The following RIMS2 variants were observed in gnomAD, a reference collection of about 807,000 sequenced individuals.
The protein encoded by RIMS2 is regulating synaptic membrane exocytosis protein 2.
Under a neutral mutation model 174.4 loss-of-function variants are expected in RIMS2, and 59 were observed. The observed-to-expected ratio is 0.34, with a 90% CI of 0.27 to 0.42. The LOEUF is 0.42. Ranked by LOEUF, RIMS2 falls within the 10% of genes least tolerant of loss-of-function variation. The pLI, the probability that RIMS2 is intolerant of heterozygous loss-of-function variation, is 1.00. For missense variants in RIMS2, 1,620 were observed against 1,666.3 expected (o/e 0.97, Z 0.48); for synonymous variants, 606 against 572.5 (o/e 1.06, Z -0.84).
intron 1 of RIMS2, among the ~76,000 whole-genome samples, chr8:103,553,337 A>G (rs1467769344): frequency 3.3e-5 from 5 of 152,166 alleles, no homozygotes; most frequent in South Asian, 2.1e-4. Flanking sequence ...CGAGCAAACT[A>G]TCACAAGGAC....
At chr8:103,551,298 C>T (rs773953678) in intron 1 of RIMS2, among the ~76,000 whole-genome samples, 2 of 152,058 alleles carry the variant, frequency 1.3e-5, no homozygotes, top group African/African-American at 2.4e-5. Flanking sequence ...GTTCAACATA[C>T]GAATGTCAAT....
intron 1 of RIMS2, among the ~76,000 whole-genome samples, chr8:103,505,983 A>C (rs1823380816): frequency 6.6e-6 from 1 of 152,088 alleles, no homozygotes; most frequent in African/African-American, 2.4e-5. Flanking sequence ...AAAAAATTGA[A>C]TTTATTGTAG....
chr8:103,603,806 G>T (rs371522942), intron 1 of RIMS2, among the ~76,000 whole-genome samples: 9,533 of 149,012 alleles, frequency 0.064, 301 homozygotes, highest in Non-Finnish European at 0.084. Flanking sequence ...CTTTTGAGAA[G>T]TGTCTGTTCA....
intron 1 of RIMS2, among the ~76,000 whole-genome samples, chr8:103,667,799 G>A (rs897233393): frequency 6.6e-6 from 1 of 152,188 alleles, no homozygotes; most frequent in African/African-American, 2.4e-5. Context: ...AGAAACTTCT[G>A]TGGTTAGCTT....
chr8:103,518,974 C>T (rs1830354461), intron 1 of RIMS2, among the ~76,000 whole-genome samples: 1 of 152,038 alleles, frequency 6.6e-6, no homozygotes, highest in South Asian at 2.1e-4. Context: ...CTTTCTATTG[C>T]TTTGAATAAA....
chr8:104,066,269 G>A (rs1297432007), intron 19 of RIMS2, among the ~76,000 whole-genome samples: 1 of 152,088 alleles, frequency 6.6e-6, no homozygotes, highest in African/African-American at 2.4e-5. Flanking sequence ...TTACTACCTA[G>A]TAATCAGAAA....
At chr8:103,788,303 G>A (rs1441948675) in intron 3 of RIMS2, among the ~76,000 whole-genome samples, 18 of 150,036 alleles carry the variant, frequency 1.2e-4, no homozygotes, top group East Asian at 3.9e-4. Flanking sequence ...GCTTTGTTCC[G>A]TTGCTGGTGA....
chr8:103,576,482 C>T (rs530440791), intron 1 of RIMS2, among the ~76,000 whole-genome samples: 23 of 152,206 alleles, frequency 1.5e-4, no homozygotes, highest in South Asian at 1.0e-3. Flanking sequence ...AAATGGAGAA[C>T]GAATGAAACC....
intron 19 of RIMS2, among the ~76,000 whole-genome samples, chr8:104,032,101 G>A (rs1022423636): frequency 7.2e-5 from 11 of 152,022 alleles, no homozygotes; most frequent in Admixed American, 1.3e-4. Flanking sequence ...TAATGCAGAG[G>A]TACTTGCTTC....
chr8:104,017,825 C>G (rs2095965495), intron 19 of RIMS2, among the ~76,000 whole-genome samples: 1 of 152,138 alleles, frequency 6.6e-6, no homozygotes, highest in Non-Finnish European at 1.5e-5. Context: ...TCTGTAATCC[C>G]AGCACTTTGG....
intron 3 of RIMS2, among the ~76,000 whole-genome samples, chr8:103,876,379 GT>G (rs72544686): frequency 0.047 from 7,024 of 150,712 alleles, 280 homozygotes; most frequent in East Asian, 0.17. Context: ...CCAGTGTATG[GT>G]TTTTTTTTAA....
chr8:104,165,060 G>A (rs1004706851), intron 19 of RIMS2, among the ~76,000 whole-genome samples: 3 of 152,134 alleles, frequency 2.0e-5, no homozygotes, highest in Non-Finnish European at 4.4e-5. Flanking sequence ...ATGGTAAACT[G>A]GAGTTTATTT....
At position 103,812,331 on chromosome 8, in the gene RIMS2, G is replaced by GTT. The variant is rs71575985; in HGVS notation, c.698+45816_698+45817dup. ...GGTCAAATTATTACCTTATTACCTT[G>GTT]TTTTTTTTTTTTTTTTTTTTTTTGT... On this transcript the variant is annotated intron_variant, in intron 3 of 23. Transcript: ENST00000504942. Among the ~76,000 whole-genome samples, 666 of 111,436 alleles carry GTT rather than the reference G, an allele frequency of 6.0e-3. 10 individuals carry two copies. Among genetic ancestry groups the GTT allele is most frequent in the African/African-American group, 0.013 (393 of 30,406 alleles). 73.1% of individuals were successfully genotyped at this position (111,436 alleles called of 152,430 possible).
At chr8:104,030,466 T>C (rs1345494216) in intron 19 of RIMS2, among the ~76,000 whole-genome samples, 1 of 152,202 alleles carries the variant, frequency 6.6e-6, no homozygotes, top group Non-Finnish European at 1.5e-5. Context: ...TAAGATTAAA[T>C]GGTGGCCAGT....
intron 17 of RIMS2, among the ~76,000 whole-genome samples, chr8:104,003,363 G>A (rs957241817): frequency 5.3e-5 from 8 of 151,700 alleles, no homozygotes. Context: ...GGCAAGGCAG[G>A]AAATAGCAAG....
At chr8:103,608,892 G>T (rs1019202816) in intron 1 of RIMS2, among the ~76,000 whole-genome samples, 8 of 152,328 alleles carry the variant, frequency 5.3e-5, no homozygotes, top group African/African-American at 1.9e-4. Context: ...CCCACTGTCT[G>T]GCACTCCCTA....
chr8:104,011,441 A>G (rs2095758865), intron 17 of RIMS2, among the ~76,000 whole-genome samples: 1 of 152,086 alleles, frequency 6.6e-6, no homozygotes. Flanking sequence ...ACTTTTTTAT[A>G]ACGAGACATT....
chr8:103,571,348 T>C (rs9297335), intron 1 of RIMS2, among the ~76,000 whole-genome samples: 27,859 of 152,144 alleles, frequency 0.18, 2,802 homozygotes, highest in African/African-American at 0.26. Context: ...CATTGTTCCC[T>C]TTTTCCCACC....
chr8:103,916,464 G>C (rs772472518), exon 8 of RIMS2: 2 of 1,610,438 alleles, frequency 1.2e-6, no homozygotes, highest in Non-Finnish European at 8.5e-7. Context: ...AGCCACATTT[G>C]AGGAAGTGTA....
Sources: gnomAD v4.1 joint callset for allele counts (sites outside exome capture counted in the v4.1 genomes callset) on GRCh38, gnomAD v4.1.1 for gene constraint, MANE v1.5 for transcripts, NCBI Gene and HGNC (gene_info 2026-07-23, HGNC 2026-07-21) for gene names.